RAB11FIP3: variants seen among roughly 807,000 people sequenced by gnomAD.
RAB11FIP3 encodes RAB11 family interacting protein 3, also known as rab11 family-interacting protein 3.
Under a neutral mutation model 77.8 loss-of-function variants are expected in RAB11FIP3, and 17 were observed. That is an observed-to-expected ratio of 0.22 (90% CI 0.15 to 0.33). RAB11FIP3 has a LOEUF of 0.33. RAB11FIP3 is among the 10% of genes least tolerant of loss of function. The probability of loss-of-function intolerance (pLI) is 1.00; values close to 1 mark genes in which losing one functional copy is unlikely to be tolerated. For missense variants in RAB11FIP3, 1,005 were observed against 1,011.2 expected (o/e 0.99, Z 0.08); for synonymous variants, 437 against 448.2 (o/e 0.98, Z 0.31).
At position 497,190 on chromosome 16, in the gene RAB11FIP3, G is replaced by A; in HGVS notation, c.1301+331G>A. 1.2e-5 allele frequency: 13 copies of A among 1,071,922 alleles called. No homozygotes were observed. The South Asian group carries it at 1.8e-4, about 15-fold the overall frequency. 66.4% of individuals were successfully genotyped at this position (1,071,922 alleles called of 1,614,324 possible). On this transcript the variant is annotated intron_variant, in intron 6 of 13. Transcript: ENST00000262305. ...CTGAGGTAGCGAGACCCAGTGAGGA[G>A]CCTGGCTTCTCAGAGCCGGGTCTGG...
chr16:519,148 G>T (rs2032555480), intron 10 of RAB11FIP3, 124 bp downstream of exon 10: 1 of 1,036,478 alleles, frequency 9.6e-7, no homozygotes, highest in African/African-American at 1.6e-5. Context: ...AGGGAACGGG[G>T]CCAGCTCAGG....
At chr16:496,941 T>C (rs1198783486) in intron 6 of RAB11FIP3, 82 bp downstream of exon 6, 1 of 1,412,580 alleles carries the variant, frequency 7.1e-7, no homozygotes, top group East Asian at 2.3e-5. Flanking sequence ...TTTTAAAATG[T>C]TCTTTTCCAA....
intron 1 of RAB11FIP3, among the ~76,000 whole-genome samples, chr16:448,222 C>G (rs895721538): frequency 6.6e-6 from 1 of 151,668 alleles, no homozygotes; most frequent in Non-Finnish European, 1.5e-5. Flanking sequence ...GAGGCTGAGG[C>G]AGGAGAATCA....
intron 10 of RAB11FIP3, 97 bp downstream of exon 10, chr16:519,121 A>T: frequency 7.6e-7 from 1 of 1,315,028 alleles, no homozygotes; most frequent in Non-Finnish European, 1.1e-6. Context: ...GCTGAGCGGG[A>T]TACTGTGCTG....
chr16:436,300 CTG>C (rs2055126780), intron 1 of RAB11FIP3, among the ~76,000 whole-genome samples: 1 of 152,044 alleles, frequency 6.6e-6, no homozygotes, highest in Non-Finnish European at 1.5e-5. Flanking sequence ...AAGTGCAAGA[CTG>C]TGTCTCAAAG....
At chr16:494,495 G>A (rs963728089) in intron 5 of RAB11FIP3, among the ~76,000 whole-genome samples, 20 of 151,818 alleles carry the variant, frequency 1.3e-4, no homozygotes, top group East Asian at 2.0e-4. Flanking sequence ...GGTGGCGGGC[G>A]CCTGTAGTCC....
chr16:437,554 G>C (rs1343136810), intron 1 of RAB11FIP3, among the ~76,000 whole-genome samples: 3 of 145,596 alleles, frequency 2.1e-5, no homozygotes, highest in Non-Finnish European at 4.5e-5. Context: ...TGGACAACAA[G>C]GGTGAAACTC....
In RAB11FIP3 at chr16:465,094, G is replaced by A. The variant is rs149690219; in HGVS notation, c.808+3597G>A. Reference sequence around the variant, plus strand: ...ATGGAGGTGCGAGCTGGAGACTCACGTTAGCTTGGTCTCAGTCGCAGGGAG... The same window carrying A: ...ATGGAGGTGCGAGCTGGAGACTCACATTAGCTTGGTCTCAGTCGCAGGGAG... On this transcript the variant is annotated intron_variant, in intron 2 of 13. Coordinates refer to ENST00000262305, the MANE Select transcript of RAB11FIP3 (RefSeq NM_014700.4). 6.2e-3 allele frequency among the ~76,000 whole-genome samples: 938 copies of A among 152,242 alleles called. 10 individuals are homozygous for A. The highest frequency in any genetic ancestry group is 0.021 in the African/African-American group (883 of 41,544).
chr16:444,057 G>C (rs1205285799), intron 1 of RAB11FIP3, among the ~76,000 whole-genome samples: 1 of 152,208 alleles, frequency 6.6e-6, no homozygotes, highest in Non-Finnish European at 1.5e-5. Context: ...GCGTGTCTGT[G>C]TTGTGGTGTG....
chr16:436,490 A>G (rs569407681), intron 1 of RAB11FIP3, among the ~76,000 whole-genome samples: 8 of 151,168 alleles, frequency 5.3e-5, no homozygotes, highest in South Asian at 2.1e-4. Context: ...TTATTTGTTT[A>G]TTTATTTTTG....
chr16:509,902 A>G (rs2032049093), intron 8 of RAB11FIP3, among the ~76,000 whole-genome samples: 1 of 152,242 alleles, frequency 6.6e-6, no homozygotes, highest in Non-Finnish European at 1.5e-5. Flanking sequence ...ACTGTACTGC[A>G]GCTGAAGGCA....
At position 517,887 on chromosome 16, in the gene RAB11FIP3, C is replaced by G. The variant is rs549459740; in HGVS notation, c.1641-1056C>G. The stretch of plus-strand genomic sequence containing the variant: ...CACCAGGTCAGGAAATTGAGACCAT[C>G]CTGGCTAACACAGTGAAACCCCGTC... On this transcript the variant is annotated intron_variant, in intron 9 of 13. Transcript: ENST00000262305. 2.0e-5 allele frequency among the ~76,000 whole-genome samples: 3 copies of G among 152,248 alleles called. No individual in the cohort carries two copies. The East Asian group carries it at 5.8e-4, about 30-fold the overall frequency.
intron 1 of RAB11FIP3, among the ~76,000 whole-genome samples, chr16:447,870 A>G (rs1407636917): frequency 1.3e-5 from 2 of 152,238 alleles, no homozygotes; most frequent in Non-Finnish European, 2.9e-5. Flanking sequence ...GGGTGAGAAC[A>G]AAGGGTTACA....
chr16:486,833 G>A (rs1316350671), intron 4 of RAB11FIP3, among the ~76,000 whole-genome samples: 1 of 152,192 alleles, frequency 6.6e-6, no homozygotes. Context: ...CGGGGAGGCG[G>A]GGAAGGGCCT....
At position 461,404 on chromosome 16, in the gene RAB11FIP3, G is replaced by A. The variant is rs1567370083; in HGVS notation, c.715G>A (p.Val239Met). 1 of 1,613,090 alleles carries A rather than the reference G, an allele frequency of 6.2e-7. No homozygotes were observed. The highest frequency in any genetic ancestry group is 8.5e-7 in the Non-Finnish European group (1 of 1,179,396). Residue 239 changes from valine (V) to methionine (M), a missense_variant and splice_region_variant, in exon 2 of 14, where the codon GTG becomes ATG. Physicochemically the swap from Val to Met is conservative, Grantham distance 21. Around this residue, in one of 4 missense-constraint regions of RAB11FIP3, gnomAD observed 466 missense variants for 408.3 expected, o/e 1.14. Coordinates refer to ENST00000262305, the MANE Select transcript of RAB11FIP3 (RefSeq NM_014700.4). The surrounding 1 kb of genome is among the most constrained non-coding windows in gnomAD (Gnocchi z 4.5). Reference sequence around the variant, plus strand: ...ACCTAGTCTCATTTGGCAATTACAGGTGAAGGACTTAACTAAGTACTTGGA... The same window carrying A: ...ACCTAGTCTCATTTGGCAATTACAGATGAAGGACTTAACTAAGTACTTGGA... ...QFATVYGAEQ[V>M]KDLTKYLDPS...
At chr16:436,286 G>C (rs1209038091) in intron 1 of RAB11FIP3, among the ~76,000 whole-genome samples, 1 of 152,092 alleles carries the variant, frequency 6.6e-6, no homozygotes, top group African/African-American at 2.4e-5. Context: ...TCCAGCCCAG[G>C]CGAAAGTGCA....
intron 6 of RAB11FIP3, among the ~76,000 whole-genome samples, chr16:500,831 G>A (rs755163384): frequency 1.4e-4 from 21 of 152,042 alleles, no homozygotes; most frequent in East Asian, 1.9e-4. Flanking sequence ...CTGTGTCCCC[G>A]AGTCAGCCCC....
intron 6 of RAB11FIP3, among the ~76,000 whole-genome samples, chr16:498,202 C>T (rs1222003386): frequency 6.6e-6 from 1 of 152,182 alleles, no homozygotes; most frequent in African/African-American, 2.4e-5. Flanking sequence ...GAGACATTGT[C>T]TTGCTCTGTC....
intron 1 of RAB11FIP3, among the ~76,000 whole-genome samples, chr16:457,490 T>C (rs1285297825): frequency 6.6e-6 from 1 of 151,222 alleles, no homozygotes; most frequent in African/African-American, 2.4e-5. Context: ...GGGCAGGCTG[T>C]CTCATTTTTC....
Sources: gnomAD v4.1 joint callset for allele counts (sites outside exome capture counted in the v4.1 genomes callset) on GRCh38, gnomAD v4.1.1 for gene constraint, gnomAD v4.1.1 regional missense constraint, Gnocchi (gnomAD v3.1) non-coding constraint, MANE v1.5 for transcripts, NCBI Gene and HGNC (gene_info 2026-07-23, HGNC 2026-07-21) for gene names.